VPS33B: variants seen among roughly 807,000 people sequenced by gnomAD.
The protein encoded by VPS33B is VPS33B late endosome and lysosome associated.
VPS33B carries 80 observed loss-of-function variants against 95.3 expected under a neutral mutation model. The ratio of observed to expected loss-of-function variants is 0.84; its 90% confidence interval spans 0.70 to 1.01. The LOEUF is 1.01. Among genes scored for constraint, VPS33B ranks in the 50% least tolerant of loss-of-function variants. The probability of loss-of-function intolerance (pLI) is 0.00; values close to 1 mark genes in which losing one functional copy is unlikely to be tolerated. For missense variants in VPS33B, 715 were observed against 773.4 expected (o/e 0.92, Z 0.90); for synonymous variants, 280 against 280.4 (o/e 1.00, Z 0.01).
At position 91,002,124 on chromosome 15, in the gene VPS33B, G is replaced by C; in HGVS notation, c.1331C>G (p.Thr444Arg). Residue 444 changes from threonine to arginine, a missense_variant, in exon 18 of 23, where the codon ACG (threonine) becomes AGG (arginine). Physicochemically the swap from Thr to Arg is moderately conservative, Grantham distance 71. Coordinates refer to ENST00000333371, the MANE Select transcript of VPS33B (RefSeq NM_018668.5). This position sits in a 1 kb window ranked among gnomAD's most constrained non-coding sequence, Gnocchi z 4.7. ...GAGGGTGTCCCCGGGGGCCTGCTCC[G>C]TTAGGAGCCCAGCTCTTCGCAGATT... ...FSNLRRAGLL[T>R]EQAPGDTLTA... 1.2e-6 allele frequency: 2 copies of C among 1,614,200 alleles called. No individual in the cohort carries two copies. Among genetic ancestry groups the C allele is most frequent in the Non-Finnish European group, 1.7e-6 (2 of 1,180,042 alleles).
At chr15:91,016,137 T>G (rs2040916610) in intron 3 of VPS33B, among the ~76,000 whole-genome samples, 1 of 151,940 alleles carries the variant, frequency 6.6e-6, no homozygotes, top group Admixed American at 6.6e-5. Context: ...AGGATGGACA[T>G]TCTTTATAGG....
rs748643352 is a variant in VPS33B at position 91,004,867 on chromosome 15, T to G, written c.1225+10A>C. Reference sequence around the variant, plus strand: ...ATCTGACATTCTCATCTTCAGTCTTTTGGGCTCACCATTCTCAGTGATGGA... The same window carrying G: ...ATCTGACATTCTCATCTTCAGTCTTGTGGGCTCACCATTCTCAGTGATGGA... On this transcript the variant is annotated intron_variant, in intron 16 of 22. Transcript: ENST00000333371. 1.5e-5 allele frequency: 24 copies of G among 1,614,100 alleles called. No homozygotes were observed. Among genetic ancestry groups the G allele is most frequent in the Non-Finnish European group, 2.0e-5 (24 of 1,180,040 alleles).
At chr15:91,001,309 CAAAAAAA>C (rs35353020) in intron 19 of VPS33B, 73 bp downstream of exon 19, 12 of 773,008 alleles carry the variant, frequency 1.6e-5, no homozygotes, top group African/African-American at 1.4e-4. Context: ...GATTCCATCT[CAAAAAAA>C]AAAAAAAAAA....
chr15:91,002,654 AAAG>A lies in VPS33B; in HGVS notation c.1272+428_1272+430del, dbSNP rs1210326584. The stretch of plus-strand genomic sequence containing the variant: ...CGAAATAAAAAAAAAAAAAAAAAGA[AAAG>A]AAATAATTAGCACCAAACAAAGAAG... On this transcript the variant is annotated intron_variant, in intron 17 of 22. Coordinates refer to ENST00000333371, the MANE Select transcript of VPS33B (RefSeq NM_018668.5). The surrounding 1 kb of genome is among the most constrained non-coding windows in gnomAD (Gnocchi z 4.7). Among the ~76,000 whole-genome samples, 10 of 151,674 alleles carry A rather than the reference AAAG, an allele frequency of 6.6e-5. No homozygotes were observed. The highest frequency in any genetic ancestry group is 1.9e-4 in the African/African-American group (8 of 41,244).
In VPS33B at chr15:91,013,803, C is replaced by A; in HGVS notation, c.357+1G>T. 6.2e-7 allele frequency: 1 copy of A among 1,614,160 alleles called. No individual in the cohort carries two copies. Among genetic ancestry groups the A allele is most frequent in the Non-Finnish European group, 8.5e-7 (1 of 1,180,018 alleles). On this transcript the variant is annotated splice_donor_variant, in intron 5 of 22. Coordinates refer to ENST00000333371, the MANE Select transcript of VPS33B (RefSeq NM_018668.5). LOFTEE classifies it high-confidence loss of function. The surrounding 1 kb of genome is among the most constrained non-coding windows in gnomAD (Gnocchi z 4.5). ...CCACTTCCTCCAGGATCCAAACTCACCTTTTGAGGGCTGAAGATCACTTTG... is the reference window on the plus strand; with the variant it reads ...CCACTTCCTCCAGGATCCAAACTCAACTTTTGAGGGCTGAAGATCACTTTG...
rs1217275001 is a variant in VPS33B at position 91,010,812 on chromosome 15, C to G, written c.358-966G>C. On this transcript the variant is annotated intron_variant, in intron 5 of 22. Coordinates refer to ENST00000333371, the MANE Select transcript of VPS33B (RefSeq NM_018668.5). The surrounding 1 kb of genome is among the most constrained non-coding windows in gnomAD (Gnocchi z 5.7). ...GAGAGTTGCAAGGAAGGGTGGGCAACAGTGTCAAATGCCAGGGAAGTTAAG... is the reference window on the plus strand; with the variant it reads ...GAGAGTTGCAAGGAAGGGTGGGCAAGAGTGTCAAATGCCAGGGAAGTTAAG... Among the ~76,000 whole-genome samples, 2 of 152,120 alleles carry G rather than the reference C, an allele frequency of 1.3e-5. 1 individual carries two copies. Among genetic ancestry groups the G allele is most frequent in the East Asian group, 3.9e-4 (2 of 5,190 alleles).
chr15:90,998,574 T>C (rs1191367030), downstream of VPS33B: 1 of 337,882 alleles, frequency 3.0e-6, no homozygotes, highest in African/African-American at 2.1e-5. The surrounding 1 kb of genome is among the most constrained non-coding windows in gnomAD (Gnocchi z 4.8). Flanking sequence ...CTGGAGCCAC[T>C]ACAAAGTCCA....
chr15:91,002,027 G>C lies in VPS33B; in HGVS notation c.1405+23C>G. 1.2e-6 allele frequency: 2 copies of C among 1,613,250 alleles called. No homozygotes were observed. Among genetic ancestry groups the C allele is most frequent in the Non-Finnish European group, 1.7e-6 (2 of 1,179,966 alleles). On this transcript the variant is annotated intron_variant, in intron 18 of 22. Transcript: ENST00000333371. The surrounding 1 kb of genome is among the most constrained non-coding windows in gnomAD (Gnocchi z 4.7). ...AAGTCAGGACAACAGCTGGAGCAGGGGTCACTTGTGCTCCCTGCTTACCTG... is the reference window on the plus strand; with the variant it reads ...AAGTCAGGACAACAGCTGGAGCAGGCGTCACTTGTGCTCCCTGCTTACCTG...
chr15:90,999,467 G>A lies in VPS33B; in HGVS notation c.1774+210C>T, dbSNP rs148686839. On this transcript the variant is annotated intron_variant, in intron 22 of 22. Coordinates refer to ENST00000333371, the MANE Select transcript of VPS33B (RefSeq NM_018668.5). This position sits in a 1 kb window ranked among gnomAD's most constrained non-coding sequence, Gnocchi z 5.1. ...CCGAGTAGTTAGCATTACAGGCACCGGCCACCATGCCTGGCTAATTTTTGT... is the reference window on the plus strand; with the variant it reads ...CCGAGTAGTTAGCATTACAGGCACCAGCCACCATGCCTGGCTAATTTTTGT... The A allele has an allele frequency of 3.4e-3, 2,108 of 624,092 alleles. 42 individuals carry two copies. Among genetic ancestry groups the A allele is most frequent in the South Asian group, 0.029 (1,774 of 61,692 alleles). 38.7% of individuals were successfully genotyped at this position (624,092 alleles called of 1,614,324 possible). A position where few individuals can be genotyped will look rare whatever the true frequency, so the allele number is the denominator to read the frequency against.
Position 91,013,837 on chromosome 15 carries a change from AG to A in VPS33B, c.323del (p.Thr108IlefsTer6). 1 of 1,614,168 alleles carries A rather than the reference AG, an allele frequency of 6.2e-7. No individual in the cohort carries two copies. Among genetic ancestry groups the A allele is most frequent in the Non-Finnish European group, 8.5e-7 (1 of 1,180,010 alleles). ...LVNADKLAGR[T>X]RKYKVIFSPQ... is the part of the protein sequence containing the mutation. ...GGCTGAAGATCACTTTGTATTTGCGAGTTCGGCCAGCCAATTTGTCAGCATT... is the reference window on the plus strand; with the variant it reads ...GGCTGAAGATCACTTTGTATTTGCGATTCGGCCAGCCAATTTGTCAGCATT... On this transcript the variant is annotated frameshift_variant, in exon 5 of 23. Coordinates refer to ENST00000333371, the MANE Select transcript of VPS33B (RefSeq NM_018668.5). LOFTEE classifies it high-confidence loss of function. This position sits in a 1 kb window ranked among gnomAD's most constrained non-coding sequence, Gnocchi z 4.5.
chr15:91,020,652 G>C (rs982152397), intron 1 of VPS33B, among the ~76,000 whole-genome samples: 1 of 152,150 alleles, frequency 6.6e-6, no homozygotes, highest in Non-Finnish European at 1.5e-5. Context: ...AGGCTGGGAC[G>C]GGCAGATTAC....
chr15:91,014,511 AC>A (rs1334381209), intron 3 of VPS33B, 78 bp from the exon 4 acceptor site: 2 of 1,527,646 alleles, frequency 1.3e-6, no homozygotes, highest in East Asian at 4.5e-5. Context: ...CTGAAACAAT[AC>A]CAACTCTTTT....
chr15:90,998,792 T>TTC lies in VPS33B; in HGVS notation c.*182_*183insGA. The TTC allele has an allele frequency of 1.4e-6, 1 of 712,570 alleles. No individual in the cohort carries two copies. The allele number at this position is 712,570 out of a possible 1,614,324, so 44.1% of individuals were successfully genotyped here. On this transcript the variant is annotated 3_prime_UTR_variant, in exon 23 of 23. Coordinates refer to ENST00000333371, the MANE Select transcript of VPS33B (RefSeq NM_018668.5). This position sits in a 1 kb window ranked among gnomAD's most constrained non-coding sequence, Gnocchi z 4.8. ...GTACTTCATAAACAGAAAAGAGAAATATCCTGGGAGCAGGAAGTGAACTCT... is the reference window on the plus strand; with the variant it reads ...GTACTTCATAAACAGAAAAGAGAAATTCATCCTGGGAGCAGGAAGTGAACTCT...
intron 16 of VPS33B, among the ~76,000 whole-genome samples, chr15:91,004,319 T>C (rs1232978275): frequency 1.3e-5 from 2 of 151,858 alleles, no homozygotes; most frequent in Non-Finnish European, 2.9e-5. Flanking sequence ...GCCATGAAGG[T>C]TGCACAATCT....
chr15:91,009,931 A>G lies in VPS33B; in HGVS notation c.358-85T>C. ...TGGAGTTCCTCTGTGGTCACTGATG[A>G]GGACAATAATTGCCGAACCCAGTGA... On this transcript the variant is annotated intron_variant, in intron 5 of 22. Transcript: ENST00000333371. The surrounding 1 kb of genome is among the most constrained non-coding windows in gnomAD (Gnocchi z 4.1). 2 of 1,526,226 alleles carry G rather than the reference A, an allele frequency of 1.3e-6. No homozygotes were observed. Among genetic ancestry groups the G allele is most frequent in the East Asian group, 2.3e-5 (1 of 43,916 alleles). The allele number at this position is 1,526,226 out of a possible 1,614,324, so 94.5% of individuals were successfully genotyped here.
intron 3 of VPS33B, 52 bp from the exon 4 acceptor site, chr15:91,014,485 A>G (rs1467530034): frequency 6.3e-7 from 1 of 1,589,098 alleles, no homozygotes; most frequent in Non-Finnish European, 8.6e-7. Context: ...CAAGTTGGAT[A>G]GCAACTTAGA....
At chr15:91,008,088 C>T in intron 6 of VPS33B, 124 bp from the exon 7 acceptor site, 1 of 840,936 alleles carries the variant, frequency 1.2e-6, no homozygotes, top group Non-Finnish European at 2.0e-6. Context: ...CATGCCAGTA[C>T]TGCATTAAGC....
rs1220258911 is a variant in VPS33B at position 91,009,388 on chromosome 15, C to A, written c.403+413G>T. Among the ~76,000 whole-genome samples, 1 of 151,852 alleles carries A rather than the reference C, an allele frequency of 6.6e-6. No homozygotes were observed. Among genetic ancestry groups the A allele is most frequent in the East Asian group, 1.9e-4 (1 of 5,166 alleles). On this transcript the variant is annotated intron_variant, in intron 6 of 22. Transcript: ENST00000333371. This position sits in a 1 kb window ranked among gnomAD's most constrained non-coding sequence, Gnocchi z 4.1. Reference sequence around the variant, plus strand: ...ATGGCGTGATCTCGGCTCACTGCAACCTCTGCCTCCCGGGTTCAAGCAATT... The same window carrying A: ...ATGGCGTGATCTCGGCTCACTGCAAACTCTGCCTCCCGGGTTCAAGCAATT...
At position 91,022,409 on chromosome 15, in the gene VPS33B, A is replaced by T; in HGVS notation, c.-160T>A. The T allele has an allele frequency of 1.6e-6, 1 of 632,716 alleles. No homozygotes were observed. The highest frequency in any genetic ancestry group is 2.7e-6 in the Non-Finnish European group (1 of 371,918). 39.2% of individuals were successfully genotyped at this position (632,716 alleles called of 1,614,324 possible). A position where few individuals can be genotyped will look rare whatever the true frequency, so the allele number is the denominator to read the frequency against. ...GCTCCTCAGCAGCACTCCAGGAATG[A>T]ATGGCCACCTCCAGGCAAGAGAGCT... On this transcript the variant is annotated 5_prime_UTR_variant, in exon 1 of 23. Transcript: ENST00000333371.
Sources: gnomAD v4.1 joint callset for allele counts (sites outside exome capture counted in the v4.1 genomes callset) on GRCh38, gnomAD v4.1.1 for gene constraint, Gnocchi (gnomAD v3.1) non-coding constraint, MANE v1.5 for transcripts, NCBI Gene and HGNC (gene_info 2026-07-23, HGNC 2026-07-21) for gene names.